Variants in PPP1R9A observed in about 807,000 individuals in gnomAD.
PPP1R9A encodes protein phosphatase 1 regulatory subunit 9A, also known as neurabin-1.
PPP1R9A carries 59 observed loss-of-function variants against 141.9 expected under a neutral mutation model. The observed-to-expected ratio is 0.42, with a 90% confidence interval of 0.34 to 0.52. The LOEUF is 0.52. Among genes scored for constraint, PPP1R9A ranks in the 20% least tolerant of loss-of-function variants. PPP1R9A has a pLI of 0.10. For synonymous variants in PPP1R9A, 500 were observed against 569.7 expected (o/e 0.88, Z 1.74); for missense variants, 1,444 against 1,611.9 (o/e 0.90, Z 1.78).
At chr7:95,023,014 C>T (rs1806222636) in intron 2 of PPP1R9A, among the ~76,000 whole-genome samples, 1 of 152,040 alleles carries the variant, frequency 6.6e-6, no homozygotes, top group African/African-American at 2.4e-5. Flanking sequence ...AGGAGAATTC[C>T]CTCTTTTTCT....
At chr7:94,954,398 T>C (rs948318050) in intron 2 of PPP1R9A, among the ~76,000 whole-genome samples, 12 of 152,134 alleles carry the variant, frequency 7.9e-5, no homozygotes, top group African/African-American at 2.9e-4. Context: ...TTTATAATTT[T>C]AAAAGTCATT....
chr7:94,915,904 A>G (rs1562986944), intron 2 of PPP1R9A, among the ~76,000 whole-genome samples: 1 of 152,220 alleles, frequency 6.6e-6, no homozygotes, highest in East Asian at 1.9e-4. Context: ...CTGATGAGCC[A>G]TGGGACCATC....
chr7:95,202,292 A>G lies in PPP1R9A; in HGVS notation c.1891-1373A>G, dbSNP rs527320174. On this transcript the variant is annotated intron_variant, in intron 6 of 19. Transcript: ENST00000433360. ...CTTTAGAAGGGTTTAAAATAAGCAA[A>G]CAGCCAATTTTATTTTAATTTGCAT... Among the ~76,000 whole-genome samples, 170 of 152,174 alleles carry G rather than the reference A, an allele frequency of 1.1e-3. 1 individual carries two copies. Among genetic ancestry groups the G allele is most frequent in the African/African-American group, 3.9e-3 (160 of 41,540 alleles).
chr7:95,040,225 CCAGT>C (rs1809033619), intron 2 of PPP1R9A, among the ~76,000 whole-genome samples: 1 of 151,686 alleles, frequency 6.6e-6, no homozygotes, highest in Admixed American at 6.6e-5. Context: ...TCTCTCTCCC[CCAGT>C]CAAATAACTA....
chr7:95,015,044 G>A (rs1804904539), intron 2 of PPP1R9A, among the ~76,000 whole-genome samples: 1 of 151,840 alleles, frequency 6.6e-6, no homozygotes, highest in Non-Finnish European at 1.5e-5. Context: ...ATTGTATACG[G>A]ATCTCTTCCT....
At chr7:95,202,225 T>C (rs1280101001) in intron 6 of PPP1R9A, among the ~76,000 whole-genome samples, 1 of 152,156 alleles carries the variant, frequency 6.6e-6, no homozygotes, top group Non-Finnish European at 1.5e-5. Context: ...ATTTTCAAAC[T>C]ATTTAAATTT....
chr7:95,122,582 T>G (rs1822842533), intron 4 of PPP1R9A, among the ~76,000 whole-genome samples: 1 of 152,232 alleles, frequency 6.6e-6, no homozygotes, highest in African/African-American at 2.4e-5. Context: ...AACATCTTAG[T>G]TGGTAGCCTT....
At chr7:95,001,014 A>G (rs1802844130) in intron 2 of PPP1R9A, among the ~76,000 whole-genome samples, 1 of 151,606 alleles carries the variant, frequency 6.6e-6, no homozygotes, top group East Asian at 1.9e-4. Context: ...TAACATCCTC[A>G]TTTAATAATT....
chr7:94,937,719 G>T (rs2150911671), intron 2 of PPP1R9A, among the ~76,000 whole-genome samples: 1 of 152,260 alleles, frequency 6.6e-6, no homozygotes, highest in East Asian at 1.9e-4. Flanking sequence ...GTGGTAGATT[G>T]AAAAGAATAC....
intron 4 of PPP1R9A, among the ~76,000 whole-genome samples, chr7:95,132,586 G>A (rs1824854053): frequency 6.6e-6 from 1 of 152,250 alleles, no homozygotes; most frequent in East Asian, 1.9e-4. Context: ...TGGTGAGCAG[G>A]AGGGAGGATT....
intron 5 of PPP1R9A, among the ~76,000 whole-genome samples, chr7:95,169,393 G>A (rs1359125097): frequency 6.6e-6 from 1 of 151,822 alleles, no homozygotes; most frequent in Non-Finnish European, 1.5e-5. Context: ...GAAGAGTGTA[G>A]GGGTGTGGGT....
chr7:94,955,473 C>A (rs1054331430), intron 2 of PPP1R9A, among the ~76,000 whole-genome samples: 5 of 151,910 alleles, frequency 3.3e-5, no homozygotes, highest in African/African-American at 1.2e-4. Flanking sequence ...AATAGTTCTC[C>A]TATTTCTTTT....
At chr7:95,188,384 AG>A (rs1468714912) in intron 5 of PPP1R9A, among the ~76,000 whole-genome samples, 2 of 152,144 alleles carry the variant, frequency 1.3e-5, no homozygotes, top group Non-Finnish European at 2.9e-5. Flanking sequence ...CTTATGCCTT[AG>A]GTAAGTCTCT....
intron 2 of PPP1R9A, among the ~76,000 whole-genome samples, chr7:95,099,840 T>A (rs920513470): frequency 1.3e-5 from 2 of 152,136 alleles, no homozygotes; most frequent in Non-Finnish European, 2.9e-5. Context: ...TTCAAGTATT[T>A]TAACAACACA....
intron 12 of PPP1R9A, among the ~76,000 whole-genome samples, chr7:95,254,301 C>A (rs1009588130): frequency 6.6e-6 from 1 of 152,106 alleles, no homozygotes; most frequent in South Asian, 2.1e-4. Context: ...GTTGCTTGAT[C>A]ACATAAACTA....
intron 4 of PPP1R9A, among the ~76,000 whole-genome samples, chr7:95,128,393 T>A (rs987007378): frequency 2.6e-5 from 4 of 152,218 alleles, no homozygotes; most frequent in African/African-American, 9.6e-5. Context: ...GTTTAAGTTC[T>A]TTGTAGATTC....
chr7:95,235,336 C>T (rs574203901), intron 8 of PPP1R9A, among the ~76,000 whole-genome samples: 22 of 152,096 alleles, frequency 1.4e-4, no homozygotes, highest in African/African-American at 5.1e-4. Context: ...ACAAACAATC[C>T]CATCAAAAAG....
intron 3 of PPP1R9A, among the ~76,000 whole-genome samples, chr7:95,118,665 G>GAAGAATACTAATTAC (rs1821941939): frequency 1.3e-5 from 2 of 151,994 alleles, no homozygotes. Context: ...ACCTTCATCC[G>GAAGAATACTAATTAC]AAGAATACTA....
chr7:95,004,143 A>G (rs949147353), intron 2 of PPP1R9A, among the ~76,000 whole-genome samples: 3 of 151,962 alleles, frequency 2.0e-5, no homozygotes, highest in Non-Finnish European at 4.4e-5. Context: ...CTTTTTTAGC[A>G]TTTTAGGAAA....
Sources: allele counts gnomAD v4.1 joint callset (sites outside exome capture counted in the v4.1 genomes callset), GRCh38; gene constraint gnomAD v4.1.1; transcripts MANE v1.5; gene names NCBI Gene and HGNC (gene_info 2026-07-23, HGNC 2026-07-21).